Variants in PSIP1 observed in about 807,000 individuals in gnomAD.
The protein encoded by PSIP1 is PC4 and SRSF1 interacting protein 1, also known as PC4 and SFRS1-interacting protein.
PSIP1 carries 19 observed loss-of-function variants against 74.7 expected under a neutral mutation model. The observed-to-expected ratio is 0.25, with a 90% confidence interval of 0.18 to 0.37. The LOEUF (loss-of-function observed/expected upper bound fraction) is 0.37, where lower values mean the gene tolerates loss of function less well. Among genes scored for constraint, PSIP1 ranks in the 10% least tolerant of loss-of-function variants. The pLI, the probability that PSIP1 is intolerant of heterozygous loss-of-function variation, is 1.00. For synonymous variants in PSIP1, 222 were observed against 195.3 expected, an observed-to-expected ratio of 1.14 and a Z score of -1.14; for missense variants, 601 against 614.3, an observed-to-expected ratio of 0.98 and a Z score of 0.23.
At position 15,474,066 on chromosome 9, in the gene PSIP1, T is replaced by A. The variant is rs542303659; in HGVS notation, c.801A>T (p.Thr267=). The change falls in exon 9 of 16, where the codon ACA becomes ACT. Residue 267 remains threonine (T), a synonymous_variant. Coordinates refer to ENST00000380733, the MANE Select transcript of PSIP1 (RefSeq NM_033222.5). ...CAGAATCGGAGGTTGAAGTAACCCC[T>A]GTTTTAGCTAAATTTTTCCTTTTTG... ...VESKRKNLAK[T]GVTSTSDSEE... The A allele has an allele frequency of 3.7e-6, 6 of 1,613,808 alleles. No homozygotes were observed. Among genetic ancestry groups the A allele is most frequent in the Non-Finnish European group, 5.1e-6 (6 of 1,179,906 alleles).
At chr9:15,482,660 CA>C (rs1563878641) in intron 6 of PSIP1, among the ~76,000 whole-genome samples, 1 of 152,140 alleles carries the variant, frequency 6.6e-6, no homozygotes, top group African/African-American at 2.4e-5. Context: ...ATACTGACTC[CA>C]CATCTTTGAT....
In PSIP1 at chr9:15,465,510, G is replaced by GT; in HGVS notation, c.*9dup. ...TTCTCAAGTGTTCTCTATATTCCAG[G>GT]TATGTCAACCTAGTTATCTAGTGTA... is the stretch of plus-strand genomic sequence containing the variant. On this transcript the variant is annotated 3_prime_UTR_variant, in exon 16 of 16. Transcript: ENST00000380733. 1 of 1,532,514 alleles carries GT rather than the reference G, an allele frequency of 6.5e-7. No individual in the cohort carries two copies. Among genetic ancestry groups the GT allele is most frequent in the East Asian group, 2.3e-5 (1 of 43,704 alleles). 94.9% of individuals were successfully genotyped at this position (1,532,514 alleles called of 1,614,324 possible).
intron 2 of PSIP1, among the ~76,000 whole-genome samples, chr9:15,508,964 G>C (rs985701835): frequency 6.6e-6 from 1 of 152,140 alleles, no homozygotes. Flanking sequence ...TTATAGGCAA[G>C]GAAAAAAGCT....
In PSIP1 at chr9:15,478,493, G is replaced by A. The variant is rs1165155112; in HGVS notation, c.613C>T (p.Pro205Ser). ...TAAACTCACATGTCACTCTCTGAAGGACAGGGCTGTTTTACCATTTTGGGT... is the reference window on the plus strand; with the variant it reads ...TAAACTCACATGTCACTCTCTGAAGAACAGGGCTGTTTTACCATTTTGGGT... ...GRPKMVKQPC[P>S]SESDIITEED... The change falls in exon 8 of 16, where the codon CCT (proline) becomes TCT (serine). Residue 205 changes from proline to serine, a missense_variant. Coordinates refer to ENST00000380733, the MANE Select transcript of PSIP1 (RefSeq NM_033222.5). 1.3e-6 allele frequency: 2 copies of A among 1,595,804 alleles called. No homozygotes were observed. Among genetic ancestry groups the A allele is most frequent in the African/African-American group, 2.7e-5 (2 of 74,412 alleles).
intron 3 of PSIP1, among the ~76,000 whole-genome samples, chr9:15,490,866 T>C (rs1209845014): frequency 6.6e-6 from 1 of 152,152 alleles, no homozygotes; most frequent in East Asian, 1.9e-4. Flanking sequence ...TCAGTGAGTA[T>C]GTTAAGAATT....
intron 10 of PSIP1, chr9:15,471,794 T>G: frequency 1.1e-6 from 1 of 946,152 alleles, no homozygotes; most frequent in Non-Finnish European, 1.3e-6. Flanking sequence ...GTTCAAGAAT[T>G]GTTTTACTGC....
chr9:15,464,714 C>T lies in PSIP1; in HGVS notation c.*806G>A, dbSNP rs904711510. Reference sequence around the variant, plus strand: ...CTCAAAAATAAACTTACTTAGTTTTCAGTTTTAGTTACTAGTGCCTGCCTA... The same window carrying T: ...CTCAAAAATAAACTTACTTAGTTTTTAGTTTTAGTTACTAGTGCCTGCCTA... On this transcript the variant is annotated 3_prime_UTR_variant, in exon 16 of 16. Coordinates refer to ENST00000380733, the MANE Select transcript of PSIP1 (RefSeq NM_033222.5). 1 of 201,306 alleles carries T rather than the reference C, an allele frequency of 5.0e-6. No individual in the cohort carries two copies. Among genetic ancestry groups the T allele is most frequent in the African/African-American group, 2.3e-5 (1 of 43,714 alleles). The allele number at this position is 201,306 out of a possible 1,614,324, so 12.5% of individuals were successfully genotyped here. A position where few individuals can be genotyped will look rare whatever the true frequency, so the allele number is the denominator to read the frequency against.
At chr9:15,499,560 A>G (rs1227232597) in intron 3 of PSIP1, among the ~76,000 whole-genome samples, 1 of 152,208 alleles carries the variant, frequency 6.6e-6, no homozygotes, top group East Asian at 1.9e-4. Flanking sequence ...CAGTTGTTAC[A>G]CAACTAGAAC....
intron 2 of PSIP1, among the ~76,000 whole-genome samples, chr9:15,507,932 T>A (rs1019251451): frequency 1.5e-4 from 23 of 152,240 alleles, no homozygotes; most frequent in African/African-American, 5.5e-4. Flanking sequence ...ACACCTGTTA[T>A]CTCAACTTTG....
At chr9:15,501,864 T>TATATATATAA (rs1338605750) in intron 3 of PSIP1, among the ~76,000 whole-genome samples, 18 of 146,448 alleles carry the variant, frequency 1.2e-4, no homozygotes, top group African/African-American at 4.5e-4. Flanking sequence ...TATATATATA[T>TATATATATAA]ATAAAACGCA....
chr9:15,488,813 A>G (rs1183960348), intron 4 of PSIP1, among the ~76,000 whole-genome samples: 1 of 151,822 alleles, frequency 6.6e-6, no homozygotes, highest in African/African-American at 2.4e-5. Context: ...CAAGGTCAGG[A>G]GATCGAGACC....
chr9:15,484,239 C>T (rs1398679586), intron 6 of PSIP1, among the ~76,000 whole-genome samples: 1 of 151,066 alleles, frequency 6.6e-6, no homozygotes, highest in South Asian at 2.1e-4. Context: ...GGAGGATCAC[C>T]GAGGCTGGGA....
At position 15,464,407 on chromosome 9, in the gene PSIP1, C is replaced by T. The variant is rs1031296467; in HGVS notation, c.*1113G>A. 1 of 196,800 alleles carries T rather than the reference C, an allele frequency of 5.1e-6. No individual in the cohort carries two copies. The allele number at this position is 196,800 out of a possible 1,614,324, so 12.2% of individuals were successfully genotyped here. A position where few individuals can be genotyped will look rare whatever the true frequency, so the allele number is the denominator to read the frequency against. On this transcript the variant is annotated 3_prime_UTR_variant, in exon 16 of 16. Coordinates refer to ENST00000380733, the MANE Select transcript of PSIP1 (RefSeq NM_033222.5). ...CAAATGACCCTAATATTCAAAATATCTTAGAAATGCTATCCTTTAGTTAAC... is the reference window on the plus strand; with the variant it reads ...CAAATGACCCTAATATTCAAAATATTTTAGAAATGCTATCCTTTAGTTAAC...
chr9:15,500,131 C>G (rs2132202944), intron 3 of PSIP1, among the ~76,000 whole-genome samples: 1 of 152,168 alleles, frequency 6.6e-6, no homozygotes, highest in South Asian at 2.1e-4. Context: ...CAACAGACAA[C>G]TGAATATGCA....
chr9:15,466,635 T>C (rs1045254979), intron 15 of PSIP1, 113 bp downstream of exon 15: 9 of 741,430 alleles, frequency 1.2e-5, no homozygotes, highest in Non-Finnish European at 1.9e-5. Flanking sequence ...AATTCAGGAA[T>C]TGGGTGATCA....
chr9:15,475,192 G>A (rs1486980700), intron 8 of PSIP1, among the ~76,000 whole-genome samples: 1 of 151,944 alleles, frequency 6.6e-6, no homozygotes, highest in African/African-American at 2.4e-5. Context: ...ATTATCATTG[G>A]GTATGCTTAT....
Position 15,474,337 on chromosome 9 carries a change from CAAAGT to C in PSIP1, c.630-105_630-101del, listed in dbSNP as rs1418522015. ...TTTTAATTTAAAGGCAAATCTAAAA[CAAAGT>C]AAAAAGAGTGTCTTCACTATCCAAT... On this transcript the variant is annotated intron_variant, in intron 8 of 15. Transcript: ENST00000380733. The C allele has an allele frequency of 4.7e-6, 5 of 1,054,110 alleles. No individual in the cohort carries two copies. In the African/African-American group the frequency reaches 6.5e-5, roughly 14 times the overall value. 65.3% of individuals were successfully genotyped at this position (1,054,110 alleles called of 1,614,324 possible).
At chr9:15,476,159 C>A (rs1438450448) in intron 8 of PSIP1, among the ~76,000 whole-genome samples, 1 of 152,122 alleles carries the variant, frequency 6.6e-6, no homozygotes, top group Non-Finnish European at 1.5e-5. Context: ...AGTTACAGCT[C>A]ACACTCAGCC....
rs897248466 is a variant in PSIP1 at position 15,510,275 on chromosome 9, C to A, written c.-87G>T. 1.7e-5 allele frequency: 21 copies of A among 1,227,708 alleles called. No individual in the cohort carries two copies. The highest frequency in any genetic ancestry group is 2.4e-5 in the Non-Finnish European group (21 of 888,316). 76.1% of individuals were successfully genotyped at this position (1,227,708 alleles called of 1,614,324 possible). On this transcript the variant is annotated 5_prime_UTR_variant, in exon 2 of 16. Coordinates refer to ENST00000380733, the MANE Select transcript of PSIP1 (RefSeq NM_033222.5). ...GGGATGCGGGCGGCGGACGCGGGCC[C>A]AGCTACCGGGCCCGCGGGCGGGGGA...
Sources: allele counts gnomAD v4.1 joint callset (sites outside exome capture counted in the v4.1 genomes callset), GRCh38; gene constraint gnomAD v4.1.1; transcripts MANE v1.5; gene names NCBI Gene and HGNC (gene_info 2026-07-23, HGNC 2026-07-21).